The following BBC3 variants were observed in gnomAD, a reference collection of about 807,000 sequenced individuals.
BBC3 encodes the protein bcl-2-binding component 3.
In BBC3, 5 loss-of-function variants were observed where a neutral mutation model predicts 18.2. The ratio of observed to expected loss-of-function variants is 0.27; its 90% CI spans 0.14 to 0.58. BBC3 has a LOEUF of 0.58. BBC3 is among the 20% of genes least tolerant of loss of function. The pLI is 0.91. For synonymous variants in BBC3, 119 were observed against 128.0 expected (o/e 0.93, Z 0.47); for missense variants, 224 against 268.9 (o/e 0.83, Z 1.17).
intron 3 of BBC3, among the ~76,000 whole-genome samples, chr19:47,226,346 C>G (rs1372763473): frequency 6.6e-6 from 1 of 151,954 alleles, no homozygotes; most frequent in Admixed American, 6.6e-5. Flanking sequence ...CTGGCCCTGG[C>G]CCTGGCTCGG....
At chr19:47,224,729 CTT>C (rs920484758) in intron 3 of BBC3, among the ~76,000 whole-genome samples, 21 of 135,786 alleles carry the variant, frequency 1.5e-4, no homozygotes, top group Admixed American at 3.0e-4. Context: ...GTGAAAATGA[CTT>C]TTTTTTTTTT....
At chr19:47,224,817 C>A (rs2058792650) in intron 3 of BBC3, among the ~76,000 whole-genome samples, 1 of 150,654 alleles carries the variant, frequency 6.6e-6, no homozygotes, top group African/African-American at 2.4e-5. Flanking sequence ...CGGCTCACTG[C>A]AACCTCCACC....
chr19:47,226,134 G>A (rs1442298130), intron 3 of BBC3, among the ~76,000 whole-genome samples: 1 of 151,828 alleles, frequency 6.6e-6, no homozygotes, highest in Admixed American at 6.6e-5. Flanking sequence ...GCGGTCCCCG[G>A]CCCGCCCCGG....
chr19:47,230,785 G>A lies in BBC3; in HGVS notation c.-16+144C>T, dbSNP rs979801673. On this transcript the variant is annotated intron_variant, in intron 1 of 3. Coordinates refer to ENST00000439096, the MANE Select transcript of BBC3 (RefSeq NM_014417.5). The surrounding 1 kb of genome is among the most constrained non-coding windows in gnomAD (Gnocchi z 6.7). ...TCTCACCCGGCGACCCTGGCCCAGGGTCCCTCGCGGGGTTTGGAGAGGCGC... is the reference window on the plus strand; with the variant it reads ...TCTCACCCGGCGACCCTGGCCCAGGATCCCTCGCGGGGTTTGGAGAGGCGC... 4.5e-4 allele frequency: 448 copies of A among 985,146 alleles called. No individual in the cohort carries two copies. The highest frequency in any genetic ancestry group is 5.1e-4 in the Non-Finnish European group (422 of 829,920). 61.0% of individuals were successfully genotyped at this position (985,146 alleles called of 1,614,324 possible).
rs1378783964 is a variant in BBC3 at position 47,228,328 on chromosome 19, A to G, written c.104T>C (p.Val35Ala). The G allele has an allele frequency of 8.1e-7, 1 of 1,227,822 alleles. No homozygotes were observed. Among genetic ancestry groups the G allele is most frequent in the African/African-American group, 1.6e-5 (1 of 64,124 alleles). 76.1% of individuals were successfully genotyped at this position (1,227,822 alleles called of 1,614,324 possible). A position where few individuals can be genotyped will look rare whatever the true frequency, so the allele number is the denominator to read the frequency against. ...FPLGRLVPSA[V>A]SCGLCEPGLA... is the part of the protein sequence containing the mutation. ...GCCGGGCTCGCAGAGGCCGCAGGACACTGCCGAGGGCACCAGGCGGCCGAG... is the reference window on the plus strand; with the variant it reads ...GCCGGGCTCGCAGAGGCCGCAGGACGCTGCCGAGGGCACCAGGCGGCCGAG... The change falls in exon 2 of 4, where the codon GTG becomes GCG. Residue 35 changes from valine (V) to alanine (A), a missense_variant. Transcript: ENST00000439096. This position sits in a 1 kb window ranked among gnomAD's most constrained non-coding sequence, Gnocchi z 5.5.
Position 47,228,102 on chromosome 19 carries a change from C to T in BBC3, c.274+56G>A. The stretch of plus-strand genomic sequence containing the variant: ...TCCCACTTCTCCAGTTCCTCCGAGT[C>T]TCCAGCCCTCTCTCTTCCCGGCTCC... On this transcript the variant is annotated intron_variant, in intron 2 of 3. Coordinates refer to ENST00000439096, the MANE Select transcript of BBC3 (RefSeq NM_014417.5). This position sits in a 1 kb window ranked among gnomAD's most constrained non-coding sequence, Gnocchi z 5.5. The T allele has an allele frequency of 2.5e-6, 3 of 1,201,328 alleles. No individual in the cohort carries two copies. Among genetic ancestry groups the T allele is most frequent in the East Asian group, 6.4e-5 (2 of 31,040 alleles). 74.4% of individuals were successfully genotyped at this position (1,201,328 alleles called of 1,614,324 possible).
chr19:47,226,607 A>G lies in BBC3; in HGVS notation c.422T>C (p.Leu141Pro), dbSNP rs768678670. ...GTTGAGGTCGTCCGCCATCCGCCGC[A>G]GCTGGGCCCCGATCTCCCGGGCCCA... ...EQWAREIGAQLRRMADDLNAQ... is the reference protein window; with the variant it reads ...EQWAREIGAQPRRMADDLNAQ... The change falls in exon 3 of 4, where the codon CTG becomes CCG. Residue 141 changes from leucine (L) to proline (P), a missense_variant. Transcript: ENST00000439096. 6.3e-7 allele frequency: 1 copy of G among 1,581,642 alleles called. No homozygotes were observed.
upstream of BBC3, among the ~76,000 whole-genome samples, chr19:47,232,305 A>G (rs2058922381): frequency 6.6e-6 from 1 of 152,166 alleles, no homozygotes; most frequent in Non-Finnish European, 1.5e-5. Context: ...GAGCCGAGAT[A>G]GTGCCATTGC....
Position 47,230,887 on chromosome 19 carries a change from G to T in BBC3, c.-16+42C>A. ...CTCCTCCAGGGAGTCCACCCGGCCT[G>T]GCCGATCGCCGCCGGAGAGGATTCG... On this transcript the variant is annotated intron_variant, in intron 1 of 3. Transcript: ENST00000439096. This position sits in a 1 kb window ranked among gnomAD's most constrained non-coding sequence, Gnocchi z 6.7. The T allele has an allele frequency of 4.1e-6, 4 of 981,158 alleles. No homozygotes were observed. The highest frequency in any genetic ancestry group is 4.8e-6 in the Non-Finnish European group (4 of 826,220). The allele number at this position is 981,158 out of a possible 1,614,324, so 60.8% of individuals were successfully genotyped here.
upstream of BBC3, among the ~76,000 whole-genome samples, chr19:47,231,698 C>T (rs1006471355): frequency 2.0e-5 from 3 of 152,096 alleles, no homozygotes; most frequent in Admixed American, 6.6e-5. The surrounding 1 kb of genome is among the most constrained non-coding windows in gnomAD (Gnocchi z 4.0). Flanking sequence ...CACACCCAGA[C>T]GGAAATGCAC....
intron 2 of BBC3, 173 bp from the exon 3 acceptor site, chr19:47,226,927 C>G: frequency 1.8e-6 from 1 of 555,902 alleles, no homozygotes; most frequent in African/African-American, 2.0e-5. Flanking sequence ...GCAAGAAGTA[C>G]CTGGGGACGC....
chr19:47,229,893 C>G (rs549110989), intron 1 of BBC3, among the ~76,000 whole-genome samples: 3 of 152,220 alleles, frequency 2.0e-5, no homozygotes, highest in African/African-American at 7.2e-5. Flanking sequence ...TTAGCAGGCG[C>G]AGCATCACAA....
In BBC3 at chr19:47,231,143, T is replaced by C; in HGVS notation, c.-230A>G. 1.0e-6 allele frequency: 1 copy of C among 976,156 alleles called. No homozygotes were observed. 60.5% of individuals were successfully genotyped at this position (976,156 alleles called of 1,614,324 possible). On this transcript the variant is annotated 5_prime_UTR_variant, in exon 1 of 4. Coordinates refer to ENST00000439096, the MANE Select transcript of BBC3 (RefSeq NM_014417.5). The surrounding 1 kb of genome is among the most constrained non-coding windows in gnomAD (Gnocchi z 4.0). The stretch of plus-strand genomic sequence containing the variant: ...GCGTCGTGGCCGCTGCTGGGATCGC[T>C]GGTGCCGCCGCCGCCGCCGCCAGGC...
intron 3 of BBC3, 180 bp from the exon 4 acceptor site, chr19:47,222,098 G>T: frequency 1.8e-6 from 1 of 559,776 alleles, no homozygotes; most frequent in Non-Finnish European, 3.1e-6. Flanking sequence ...CATGAGACCT[G>T]GAGGCAGAGG....
chr19:47,226,197 C>T (rs933151642), intron 3 of BBC3, among the ~76,000 whole-genome samples: 1 of 151,546 alleles, frequency 6.6e-6, no homozygotes, highest in African/African-American at 2.4e-5. Context: ...CGGCAGGGGG[C>T]GGGCGCGGCG....
intron 3 of BBC3, chr19:47,222,388 A>G (rs1176751002): frequency 6.5e-6 from 1 of 153,108 alleles, no homozygotes; most frequent in Non-Finnish European, 1.5e-5. Context: ...ACCTCTAGGC[A>G]ACGCCGAGTG....
At position 47,221,426 on chromosome 19, in the gene BBC3, G is replaced by GCC. The variant is rs10647392; in HGVS notation, c.*374_*375dup. On this transcript the variant is annotated 3_prime_UTR_variant, in exon 4 of 4. Transcript: ENST00000439096. ...AGAGTGAAGGAGCACCGAGAGGAGAGCCCCCCCCTCCCAGTGTCACCCCTG... is the reference window on the plus strand; with the variant it reads ...AGAGTGAAGGAGCACCGAGAGGAGAGCCCCCCCCCCTCCCAGTGTCACCCCTG... The GCC allele has an allele frequency of 0.13, 22,731 of 168,438 alleles. 5,707 individuals are homozygous for GCC. Among genetic ancestry groups the GCC allele is most frequent in the East Asian group, 0.36 (1,319 of 3,688 alleles). 10.4% of individuals were successfully genotyped at this position (168,438 alleles called of 1,614,324 possible). A position where few individuals can be genotyped will look rare whatever the true frequency, so the allele number is the denominator to read the frequency against.
chr19:47,226,638 C>G lies in BBC3; in HGVS notation c.391G>C (p.Glu131Gln). ...GCCCCGATCTCCCGGGCCCACTGTT[C>G]CTCCTCCCCGCGGACTCCCGGGGCC... The part of the protein sequence containing the change: ...QAAPGVRGEE[E>Q]QWAREIGAQL... Residue 131 changes from glutamate (E) to glutamine (Q), a missense_variant, in exon 3 of 4, where the codon GAA (glutamate) becomes CAA (glutamine). Coordinates refer to ENST00000439096, the MANE Select transcript of BBC3 (RefSeq NM_014417.5). 1.9e-6 allele frequency: 3 copies of G among 1,555,054 alleles called. No individual in the cohort carries two copies. The highest frequency in any genetic ancestry group is 2.6e-6 in the Non-Finnish European group (3 of 1,152,932).
In BBC3 at chr19:47,221,452, C is replaced by CAGCTGGAA. The variant is rs2058750754; in HGVS notation, c.*342_*349dup. On this transcript the variant is annotated 3_prime_UTR_variant, in exon 4 of 4. Transcript: ENST00000439096. The stretch of plus-strand genomic sequence containing the variant: ...CCCCCCCCTCCCAGTGTCACCCCTG[C>CAGCTGGAA]AGCTGGAACGGGCACCAGCACAACA... 1 of 243,704 alleles carries CAGCTGGAA rather than the reference C, an allele frequency of 4.1e-6. No homozygotes were observed. Among genetic ancestry groups the CAGCTGGAA allele is most frequent in the African/African-American group, 2.5e-5 (1 of 40,202 alleles). 15.1% of individuals were successfully genotyped at this position (243,704 alleles called of 1,614,324 possible). A position where few individuals can be genotyped will look rare whatever the true frequency, so the allele number is the denominator to read the frequency against.
Sources: gnomAD v4.1 joint callset for allele counts (sites outside exome capture counted in the v4.1 genomes callset) on GRCh38, gnomAD v4.1.1 for gene constraint, Gnocchi (gnomAD v3.1) non-coding constraint, MANE v1.5 for transcripts, NCBI Gene and HGNC (gene_info 2026-07-23, HGNC 2026-07-21) for gene names.